The following SLIT2 variants were observed in gnomAD, a reference collection of about 807,000 sequenced individuals.
SLIT2 encodes slit guidance ligand 2, also known as slit homolog 2 protein.
In SLIT2, 41 loss-of-function variants were observed where a neutral mutation model predicts 185.7. The ratio of observed to expected loss-of-function variants is 0.22; its 90% CI spans 0.17 to 0.29. SLIT2 has a LOEUF of 0.29. Ranked by LOEUF, SLIT2 falls within the 10% of genes least tolerant of loss-of-function variation. The probability of loss-of-function intolerance (pLI) is 1.00; values close to 1 mark genes in which losing one functional copy is unlikely to be tolerated. For synonymous variants in SLIT2, 693 were observed against 680.2 expected (o/e 1.02, Z -0.29); for missense variants, 1,571 against 1,909.0 (o/e 0.82, Z 3.30).
chr4:20,357,480 T>C (rs2109282420), intron 4 of SLIT2, among the ~76,000 whole-genome samples: 1 of 152,276 alleles, frequency 6.6e-6, no homozygotes, highest in Admixed American at 6.5e-5. Context: ...TAGTTCAAGT[T>C]TCTAATTCTG....
rs1283218845 is a variant in SLIT2, at chr4:20,253,668, TG to T, written c.-147del. On this transcript the variant is annotated 5_prime_UTR_variant, in exon 1 of 37. Coordinates refer to ENST00000504154, the MANE Select transcript of SLIT2 (RefSeq NM_004787.4). ...TGTGCCTGAGTGGGCTCTACTGCCT[TG>T]TTCCATATTATTTGGTGCACATTTT... 22 of 900,576 alleles carry T rather than the reference TG, an allele frequency of 2.4e-5. No homozygotes were observed. Among genetic ancestry groups the T allele is most frequent in the Non-Finnish European group, 3.4e-5 (20 of 591,900 alleles). 55.8% of individuals were successfully genotyped at this position (900,576 alleles called of 1,614,324 possible).
rs1273926938 is a variant in SLIT2 at position 20,254,604 on chromosome 4, C to A, written c.179+610C>A. On this transcript the variant is annotated intron_variant, in intron 1 of 36. Transcript: ENST00000504154. The surrounding 1 kb of genome is among the most constrained non-coding windows in gnomAD (Gnocchi z 5.1). Reference sequence around the variant, plus strand: ...TCGCATAGTAGCCTCGCGCAGCCCCCCGCCCCCCACTTCTCCGGGGAGGGG... The same window carrying A: ...TCGCATAGTAGCCTCGCGCAGCCCCACGCCCCCCACTTCTCCGGGGAGGGG... Among the ~76,000 whole-genome samples the A allele has an allele frequency of 2.0e-5, 3 of 151,994 alleles. No individual in the cohort carries two copies. The highest frequency in any genetic ancestry group is 7.2e-5 in the African/African-American group (3 of 41,386).
At chr4:20,580,058 GT>G (rs980265868) in intron 29 of SLIT2, among the ~76,000 whole-genome samples, 33 of 109,766 alleles carry the variant, frequency 3.0e-4, no homozygotes, top group African/African-American at 1.1e-3. Flanking sequence ...TATATATTAT[GT>G]ATATATTATA....
At chr4:20,508,519 A>G (rs1405805389) in intron 9 of SLIT2, among the ~76,000 whole-genome samples, 4 of 152,096 alleles carry the variant, frequency 2.6e-5, no homozygotes, top group African/African-American at 9.7e-5. Context: ...CAATACATGT[A>G]TGATATGTTA....
intron 4 of SLIT2, among the ~76,000 whole-genome samples, chr4:20,462,076 G>A (rs1713779471): frequency 6.6e-6 from 1 of 152,130 alleles, no homozygotes. Flanking sequence ...TGACTGGCCA[G>A]TAAGACACTT....
chr4:20,436,329 T>C (rs1729341797), intron 4 of SLIT2, among the ~76,000 whole-genome samples: 1 of 152,206 alleles, frequency 6.6e-6, no homozygotes, highest in African/African-American at 2.4e-5. Context: ...TACATGTACC[T>C]AGCCTGCTTC....
intron 4 of SLIT2, among the ~76,000 whole-genome samples, chr4:20,353,029 A>G (rs1261898392): frequency 6.6e-6 from 1 of 152,198 alleles, no homozygotes; most frequent in African/African-American, 2.4e-5. Flanking sequence ...ATGCAATTTG[A>G]ATGCAGCAGT....
chr4:20,349,812 A>C (rs1382990631), intron 4 of SLIT2, among the ~76,000 whole-genome samples: 1 of 152,166 alleles, frequency 6.6e-6, no homozygotes, highest in African/African-American at 2.4e-5. Flanking sequence ...TCTCAGCACA[A>C]AGGTTGGATT....
intron 4 of SLIT2, among the ~76,000 whole-genome samples, chr4:20,454,163 C>A (rs1428744688): frequency 1.3e-5 from 2 of 152,210 alleles, no homozygotes; most frequent in African/African-American, 4.8e-5. Flanking sequence ...AACCTCTCCC[C>A]AGTCTTCCCT....
intron 28 of SLIT2, among the ~76,000 whole-genome samples, 178 bp from the exon 29 acceptor site, chr4:20,568,687 A>G (rs1408290646): frequency 1.3e-5 from 2 of 152,052 alleles, no homozygotes; most frequent in African/African-American, 4.8e-5. Context: ...GCTTTGGTGG[A>G]TATTACCTTA....
intron 2 of SLIT2, among the ~76,000 whole-genome samples, chr4:20,257,186 A>C (rs893301205): frequency 6.6e-6 from 1 of 152,102 alleles, no homozygotes; most frequent in African/African-American, 2.4e-5. Flanking sequence ...CAACCATTCA[A>C]ATTTTCAGCA....
chr4:20,424,104 G>A (rs1728370630), intron 4 of SLIT2, among the ~76,000 whole-genome samples: 1 of 152,104 alleles, frequency 6.6e-6, no homozygotes, highest in Non-Finnish European at 1.5e-5. Flanking sequence ...AGTTGGCATA[G>A]AACATACGTG....
intron 4 of SLIT2, among the ~76,000 whole-genome samples, chr4:20,421,377 T>C (rs1252084785): frequency 6.6e-6 from 1 of 152,178 alleles, no homozygotes; most frequent in Non-Finnish European, 1.5e-5. Context: ...TTTCATTTCT[T>C]GCCTGCAGTG....
intron 9 of SLIT2, among the ~76,000 whole-genome samples, chr4:20,510,135 G>C (rs1347046070): frequency 6.6e-6 from 1 of 151,842 alleles, no homozygotes; most frequent in African/African-American, 2.4e-5. Flanking sequence ...ATATGTAATA[G>C]ATCTATTCAG....
chr4:20,471,895 C>T (rs1292010976), intron 5 of SLIT2, among the ~76,000 whole-genome samples: 2 of 151,868 alleles, frequency 1.3e-5, no homozygotes, highest in Admixed American at 1.3e-4. Flanking sequence ...TTTTGCTTCT[C>T]TCTATTCATT....
At chr4:20,428,072 C>A (rs959475090) in intron 4 of SLIT2, among the ~76,000 whole-genome samples, 7 of 152,206 alleles carry the variant, frequency 4.6e-5, no homozygotes, top group Non-Finnish European at 1.5e-5. Flanking sequence ...CTAAGTCTCA[C>A]AGGGAGTAAA....
chr4:20,304,742 C>T (rs1317284644), intron 4 of SLIT2, among the ~76,000 whole-genome samples: 1 of 152,070 alleles, frequency 6.6e-6, no homozygotes, highest in Non-Finnish European at 1.5e-5. Flanking sequence ...AGCGCTCAGG[C>T]CATTTTGTAA....
intron 4 of SLIT2, among the ~76,000 whole-genome samples, chr4:20,417,540 A>G (rs1727797781): frequency 6.7e-6 from 1 of 150,316 alleles, no homozygotes. Flanking sequence ...ATATATGTAT[A>G]TATATAGAGT....
rs551951276 is a variant in SLIT2, at chr4:20,529,181, TTTA to T, written c.1613+89_1613+91del. 217 of 1,053,350 alleles carry T rather than the reference TTTA, an allele frequency of 2.1e-4. 1 individual carries two copies. The South Asian group carries it at 4.6e-3, about 22-fold the overall frequency. 65.3% of individuals were successfully genotyped at this position (1,053,350 alleles called of 1,614,324 possible). The stretch of plus-strand genomic sequence containing the variant: ...GCATAAGAATGTTTGTCTTGCCATT[TTTA>T]TTATTAATAATTGCATTAATTTTAA... On this transcript the variant is annotated intron_variant, in intron 16 of 36. Coordinates refer to ENST00000504154, the MANE Select transcript of SLIT2 (RefSeq NM_004787.4).
Sources: allele counts gnomAD v4.1 joint callset (sites outside exome capture counted in the v4.1 genomes callset), GRCh38; gene constraint gnomAD v4.1.1; non-coding constraint Gnocchi (gnomAD v3.1); transcripts MANE v1.5; gene names NCBI Gene and HGNC (gene_info 2026-07-23, HGNC 2026-07-21).